DHRSX: variants seen among roughly 807,000 people sequenced by gnomAD.
DHRSX encodes polyprenol dehydrogenase.
Under a neutral mutation model 34.0 loss-of-function variants are expected in DHRSX, and 31 were observed. The ratio of observed to expected loss-of-function variants is 0.91; its 90% CI spans 0.69 to 1.23. The LOEUF is 1.23. Among genes scored for constraint, DHRSX ranks in the 50% most tolerant of loss-of-function variants. The pLI, the probability that DHRSX is intolerant of heterozygous loss-of-function variation, is 0.00. For synonymous variants in DHRSX, 201 were observed against 183.8 expected, an observed-to-expected ratio of 1.09 and a Z score of -0.76; for missense variants, 414 against 428.1, an observed-to-expected ratio of 0.97 and a Z score of 0.29.
At chrX:2,345,782 CCAGAAGGGATTCTGCCAACAG>C (rs1385218066) in intron 3 of DHRSX, among the ~76,000 whole-genome samples, 1 of 152,112 alleles carries the variant, frequency 6.6e-6, no homozygotes, top group Non-Finnish European at 1.5e-5. Context: ...GTTACCTGAG[CCAGAAGGGATTCTGCCAACAG>C]ATGGACTTTG....
rs767319246 is a variant in DHRSX, at chrX:2,381,797, C to CAAAA, written c.286+26944_286+26947dup. ...ATCCCCGTTCTCAGGAAGCCACAACCAAAAAAAAAAAAAAAAAAAAAAAGC... is the reference window on the plus strand; with the variant it reads ...ATCCCCGTTCTCAGGAAGCCACAACCAAAAAAAAAAAAAAAAAAAAAAAAAAAGC... On this transcript the variant is annotated intron_variant, in intron 3 of 6. Coordinates refer to ENST00000334651, the MANE Select transcript of DHRSX (RefSeq NM_145177.3). Among the ~76,000 whole-genome samples the CAAAA allele has an allele frequency of 4.1e-3, 337 of 81,580 alleles. 15 individuals carry two copies. In the East Asian group the frequency reaches 0.051, roughly 12 times the overall value. 53.5% of individuals were successfully genotyped at this position (81,580 alleles called of 152,430 possible). A position where few individuals can be genotyped will look rare whatever the true frequency, so the allele number is the denominator to read the frequency against.
intron 3 of DHRSX, among the ~76,000 whole-genome samples, chrX:2,404,786 C>T (rs961088598): frequency 2.0e-5 from 3 of 152,014 alleles, no homozygotes; most frequent in South Asian, 2.1e-4. Context: ...TTGTTCAAAA[C>T]TCGGTCCTTT....
At chrX:2,363,478 T>C (rs1178264516) in intron 3 of DHRSX, among the ~76,000 whole-genome samples, 2 of 146,856 alleles carry the variant, frequency 1.4e-5, no homozygotes, top group Admixed American at 6.7e-5. Flanking sequence ...TATGGTATCA[T>C]GCCGCCATTT....
intron 3 of DHRSX, among the ~76,000 whole-genome samples, chrX:2,294,664 CAA>C (rs780753194): frequency 2.3e-5 from 3 of 129,168 alleles, no homozygotes; most frequent in African/African-American, 2.9e-5. Context: ...GACTCTGTCT[CAA>C]AAAAAAAAAA....
rs749308550 is a variant in DHRSX at position 2,490,301 on chromosome X, G to A, written c.109+10516C>T. ...GGTGGGCTCGTCCACGATGGAGGCT[G>A]GGTACAGCCCCTCGCAGATGAGGCC... On this transcript the variant is annotated intron_variant, in intron 1 of 6. Transcript: ENST00000334651. 6.8e-6 allele frequency: 11 copies of A among 1,613,552 alleles called. No individual in the cohort carries two copies. In the South Asian group the frequency reaches 1.1e-4, roughly 16 times the overall value.
intron 6 of DHRSX, among the ~76,000 whole-genome samples, chrX:2,242,777 C>T (rs1372176866): frequency 1.3e-5 from 2 of 152,012 alleles, no homozygotes; most frequent in Non-Finnish European, 2.9e-5. Flanking sequence ...CCTCGTTTAG[C>T]ATATCATCAA....
chrX:2,471,710 C>G (rs890410634), intron 1 of DHRSX, among the ~76,000 whole-genome samples: 2 of 152,112 alleles, frequency 1.3e-5, no homozygotes, highest in Non-Finnish European at 2.9e-5. Context: ...CACAGTTTCC[C>G]GGAAAGGTGA....
In DHRSX at chrX:2,430,479, G is replaced by C. The variant is rs190877019; in HGVS notation, c.110-5175C>G. 1.8e-4 allele frequency among the ~76,000 whole-genome samples: 28 copies of C among 152,258 alleles called. No homozygotes were observed. In the East Asian group the frequency reaches 5.0e-3, roughly 27 times the overall value. On this transcript the variant is annotated intron_variant, in intron 1 of 6. Coordinates refer to ENST00000334651, the MANE Select transcript of DHRSX (RefSeq NM_145177.3). Reference sequence around the variant, plus strand: ...TGCAGATGGGGAACATGTTTCGCAAGATCGGGCTTCCTCAGGGTTTTGGGT... The same window carrying C: ...TGCAGATGGGGAACATGTTTCGCAACATCGGGCTTCCTCAGGGTTTTGGGT...
At position 2,317,118 on chromosome X, in the gene DHRSX, C is replaced by T. The variant is rs1218219097; in HGVS notation, c.287-25515G>A. On this transcript the variant is annotated intron_variant, in intron 3 of 6. Transcript: ENST00000334651. The stretch of plus-strand genomic sequence containing the variant: ...GATTACAAGTGCACGTCACCACGCC[C>T]GGCTAATTTTTGTATTTTTACTAGA... 1.1e-4 allele frequency among the ~76,000 whole-genome samples: 17 copies of T among 152,110 alleles called. 1 individual carries two copies. Among genetic ancestry groups the T allele is most frequent in the Non-Finnish European group, 1.2e-4 (8 of 68,006 alleles).
rs753336417 is a variant in DHRSX at position 2,382,949 on chromosome X, C to G, written c.286+25796G>C. Among the ~76,000 whole-genome samples the G allele has an allele frequency of 3.2e-3, 480 of 148,746 alleles. 1 individual carries two copies. Among genetic ancestry groups the G allele is most frequent in the Middle Eastern group, 0.01 (3 of 286 alleles). On this transcript the variant is annotated intron_variant, in intron 3 of 6. Transcript: ENST00000334651. ...GCATGACCATCATCACCATCATTAT[C>G]ATTTCTATCATCACCATCACCATCA...
At chrX:2,242,274 T>A (rs2016158358) in intron 6 of DHRSX, among the ~76,000 whole-genome samples, 1 of 152,098 alleles carries the variant, frequency 6.6e-6, no homozygotes, top group South Asian at 2.1e-4. Context: ...CCAAACGGTC[T>A]CCAGCTCCTA....
intron 2 of DHRSX, among the ~76,000 whole-genome samples, chrX:2,419,735 G>A (rs970711901): frequency 6.2e-5 from 9 of 145,040 alleles, no homozygotes; most frequent in South Asian, 2.2e-4. Flanking sequence ...ACCAAACACC[G>A]CATGTTCTCA....
At chrX:2,323,718 A>C (rs1236774225) in intron 3 of DHRSX, among the ~76,000 whole-genome samples, 3 of 152,174 alleles carry the variant, frequency 2.0e-5, no homozygotes, top group African/African-American at 7.2e-5. Flanking sequence ...GTCGTGAGCC[A>C]CAGTCACACC....
At chrX:2,403,898 C>T (rs1225277685) in intron 3 of DHRSX, among the ~76,000 whole-genome samples, 1 of 151,306 alleles carries the variant, frequency 6.6e-6, no homozygotes, top group Non-Finnish European at 1.5e-5. Flanking sequence ...TTCATGTTGT[C>T]TAAATCTGAA....
chrX:2,344,401 A>T (rs2042675798), intron 3 of DHRSX, among the ~76,000 whole-genome samples: 1 of 152,078 alleles, frequency 6.6e-6, no homozygotes, highest in Non-Finnish European at 1.5e-5. Flanking sequence ...TGTTATTGAG[A>T]GTGTAAATTA....
intron 3 of DHRSX, among the ~76,000 whole-genome samples, chrX:2,314,263 T>TGAGGGAGG (rs2042202863): frequency 2.0e-4 from 1 of 4,976 alleles, no homozygotes; most frequent in Non-Finnish European, 3.7e-4. Context: ...AAGGAGGGAA[T>TGAGGGAGG]GAAGGAGGGA....
At chrX:2,300,073 G>C (rs1396954844) in intron 3 of DHRSX, among the ~76,000 whole-genome samples, 1 of 152,132 alleles carries the variant, frequency 6.6e-6, no homozygotes, top group Non-Finnish European at 1.5e-5. Flanking sequence ...TGGAGGAACT[G>C]AATTACCCCT....
intron 3 of DHRSX, among the ~76,000 whole-genome samples, chrX:2,311,734 G>A (rs1246756270): frequency 6.6e-6 from 1 of 152,108 alleles, no homozygotes; most frequent in Non-Finnish European, 1.5e-5. Flanking sequence ...GAGGTAAATC[G>A]TCCTCCTGGG....
chrX:2,343,130 G>A (rs1335851564), intron 3 of DHRSX, among the ~76,000 whole-genome samples: 3 of 152,036 alleles, frequency 2.0e-5, no homozygotes, highest in Admixed American at 1.3e-4. Flanking sequence ...CCTCCCCTCT[G>A]ACCAGAGATA....
Sources: gnomAD v4.1 joint callset for allele counts (sites outside exome capture counted in the v4.1 genomes callset) on GRCh38, gnomAD v4.1.1 for gene constraint, MANE v1.5 for transcripts, NCBI Gene and HGNC (gene_info 2026-07-23, HGNC 2026-07-21) for gene names.